The following DAAM2 variants were observed in gnomAD, a reference collection of about 807,000 sequenced individuals.
The protein encoded by DAAM2 is dishevelled associated activator of morphogenesis 2.
A neutral mutation model predicts 120.7 loss-of-function variants in DAAM2; 39 were observed. That is an observed-to-expected ratio of 0.32 (90% CI 0.25 to 0.42). The LOEUF (loss-of-function observed/expected upper bound fraction) is 0.42, where lower values mean the gene tolerates loss of function less well. Among genes scored for constraint, DAAM2 ranks in the 10% least tolerant of loss-of-function variants. The pLI is 1.00. For synonymous variants in DAAM2, 488 were observed against 524.9 expected, an observed-to-expected ratio of 0.93 and a Z score of 0.96; for missense variants, 1,283 against 1,401.7, an observed-to-expected ratio of 0.92 and a Z score of 1.35.
chr6:39,812,028 T>C (rs910497046), intron 1 of DAAM2, among the ~76,000 whole-genome samples: 1 of 152,132 alleles, frequency 6.6e-6, no homozygotes, highest in Non-Finnish European at 1.5e-5. Context: ...ACAGAGAATT[T>C]GTATCTGGGG....
At chr6:39,794,162 T>C (rs903720365) in intron 1 of DAAM2, among the ~76,000 whole-genome samples, 3 of 152,202 alleles carry the variant, frequency 2.0e-5, no homozygotes, top group African/African-American at 7.2e-5. Context: ...AATCATCCCA[T>C]AGGCAATGTA....
At chr6:39,870,584 G>T (rs576804226) in intron 8 of DAAM2, 141 bp downstream of exon 8, 7 of 649,200 alleles carry the variant, frequency 1.1e-5, no homozygotes, top group Admixed American at 2.3e-5. Context: ...CAGCTCTGTG[G>T]GGGGAAGGGG....
At chr6:39,799,096 G>T (rs896091629) in intron 1 of DAAM2, among the ~76,000 whole-genome samples, 3 of 152,154 alleles carry the variant, frequency 2.0e-5, no homozygotes, top group Admixed American at 2.0e-4. Context: ...AACCAGAGGG[G>T]CAGGAGCTAC....
At chr6:39,863,869 CT>C (rs1764313555) in intron 3 of DAAM2, among the ~76,000 whole-genome samples, 1 of 152,214 alleles carries the variant, frequency 6.6e-6, no homozygotes, top group Admixed American at 6.5e-5. Flanking sequence ...TCTCCTGAGT[CT>C]TTTCAAAGCC....
Position 39,867,780 on chromosome 6 carries a change from C to A in DAAM2, c.699C>A (p.His233Gln). ...CTGTGTGCCTCGTGCCTGGTGGCCACAAGAAGGTGCTGCAGGCCATGCTGC... is the reference window on the plus strand; with the variant it reads ...CTGTGTGCCTCGTGCCTGGTGGCCAAAAGAAGGTGCTGCAGGCCATGCTGC... Reference protein sequence around the residue: ...LGAVCLVPGGHKKVLQAMLHY... With the variant: ...LGAVCLVPGGQKKVLQAMLHY... Residue 233 changes from histidine to glutamine, a missense_variant, in exon 6 of 25, where the codon CAC (histidine) becomes CAA (glutamine). Physicochemically the swap from His to Gln is conservative, Grantham distance 24. Around this residue, in one of 3 missense-constraint regions of DAAM2, gnomAD observed 338 missense variants for 443.9 expected, o/e 0.76. Coordinates refer to ENST00000274867, the MANE Select transcript of DAAM2 (RefSeq NM_001201427.2). The A allele has an allele frequency of 6.2e-7, 1 of 1,613,316 alleles. No individual in the cohort carries two copies. The highest frequency in any genetic ancestry group is 8.5e-7 in the Non-Finnish European group (1 of 1,179,710).
intron 10 of DAAM2, among the ~76,000 whole-genome samples, chr6:39,874,550 G>A (rs1255476397): frequency 6.6e-6 from 1 of 152,212 alleles, no homozygotes; most frequent in Admixed American, 6.5e-5. Context: ...CCAAAATGGG[G>A]CTTTGCAGAC....
chr6:39,866,420 A>T (rs1764434120), intron 5 of DAAM2, among the ~76,000 whole-genome samples: 1 of 152,226 alleles, frequency 6.6e-6, no homozygotes, highest in South Asian at 2.1e-4. Flanking sequence ...TTTATTTTCT[A>T]GGCGTATTTG....
chr6:39,809,838 A>G (rs1296327371), intron 1 of DAAM2, among the ~76,000 whole-genome samples: 2 of 152,130 alleles, frequency 1.3e-5, no homozygotes, highest in Admixed American at 1.3e-4. Flanking sequence ...TGTTCTGTCA[A>G]CTGGGGTTCT....
intron 1 of DAAM2, among the ~76,000 whole-genome samples, chr6:39,818,546 A>T (rs926904758): frequency 6.6e-6 from 1 of 152,244 alleles, no homozygotes; most frequent in African/African-American, 2.4e-5. Flanking sequence ...TTCGTAGCAG[A>T]GGTCATGGAA....
In DAAM2 at chr6:39,797,575, G is replaced by A. The variant is rs183543865; in HGVS notation, c.-57+5110G>A. 4.9e-3 allele frequency among the ~76,000 whole-genome samples: 743 copies of A among 152,294 alleles called. 5 individuals carry two copies. The highest frequency in any genetic ancestry group is 0.017 in the African/African-American group (689 of 41,548). The stretch of plus-strand genomic sequence containing the variant: ...AGCTTGTAAAAGTATCAATGCTTGG[G>A]CCCACCCCAGATCAATTTAATTAGA... On this transcript the variant is annotated intron_variant, in intron 1 of 24. Transcript: ENST00000274867.
At chr6:39,794,283 G>A (rs1436974859) in intron 1 of DAAM2, among the ~76,000 whole-genome samples, 1 of 152,150 alleles carries the variant, frequency 6.6e-6, no homozygotes, top group Non-Finnish European at 1.5e-5. Flanking sequence ...GACATGGGAG[G>A]ATAAATGGTC....
chr6:39,798,988 A>G (rs572519148), intron 1 of DAAM2, among the ~76,000 whole-genome samples: 26 of 152,300 alleles, frequency 1.7e-4, no homozygotes, highest in African/African-American at 6.3e-4. Flanking sequence ...AAGCCAAACC[A>G]TATCAACTAG....
intron 7 of DAAM2, 53 bp downstream of exon 7, chr6:39,868,986 T>C: frequency 7.6e-7 from 1 of 1,314,562 alleles, no homozygotes; most frequent in African/African-American, 1.5e-5. Context: ...GGACCTGGGG[T>C]AGAGTGTGTG....
rs765935453 is a variant in DAAM2 at position 39,884,000 on chromosome 6, C to T, written c.1884C>T (p.Asp628=). Residue 628 remains aspartate (D), a synonymous_variant, in exon 15 of 25, where the codon GAC becomes GAT. Coordinates refer to ENST00000274867, the MANE Select transcript of DAAM2 (RefSeq NM_001201427.2). ...VPGTVWNEID[D]MQVFRILDLE... is the part of the protein sequence containing the mutation. ...GCACCGTATGGAATGAGATTGATGA[C>T]ATGCAGGTATTTCGGATCCTGGACC... 6.2e-7 allele frequency: 1 copy of T among 1,613,538 alleles called. No homozygotes were observed. The highest frequency in any genetic ancestry group is 1.3e-5 in the African/African-American group (1 of 75,026).
chr6:39,861,052 G>A, intron 3 of DAAM2, 35 bp downstream of exon 3: 2 of 1,547,008 alleles, frequency 1.3e-6, no homozygotes, highest in Non-Finnish European at 1.8e-6. Context: ...ACATCTCAGG[G>A]TTCATGGCAT....
intron 7 of DAAM2, 30 bp from the exon 8 acceptor site, chr6:39,870,310 T>G: frequency 2.1e-5 from 29 of 1,394,160 alleles, no homozygotes; most frequent in Non-Finnish European, 2.9e-5. Context: ...GATCTGCCAA[T>G]GAGTCTGGCC....
At chr6:39,875,739 C>A (rs2504794) in intron 11 of DAAM2, among the ~76,000 whole-genome samples, 103,371 of 152,102 alleles carry the variant, frequency 0.68, 36,021 homozygotes, top group African/African-American at 0.84. Flanking sequence ...ATTTAAATTT[C>A]AATAGCCACA....
intron 14 of DAAM2, 136 bp downstream of exon 14, chr6:39,879,613 T>C (rs1482244982): frequency 8.4e-7 from 1 of 1,196,400 alleles, no homozygotes; most frequent in East Asian, 2.3e-5. Flanking sequence ...GTCATGTGGA[T>C]GTACAAAGTG....
At chr6:39,838,062 G>T (rs896714789) in intron 1 of DAAM2, among the ~76,000 whole-genome samples, 2 of 152,186 alleles carry the variant, frequency 1.3e-5, no homozygotes, top group Non-Finnish European at 2.9e-5. Context: ...TTCTGGTAGG[G>T]ATTTGCAGAA....
Sources: allele counts gnomAD v4.1 joint callset (sites outside exome capture counted in the v4.1 genomes callset), GRCh38; gene constraint gnomAD v4.1.1; regional missense constraint gnomAD v4.1.1; transcripts MANE v1.5; gene names NCBI Gene and HGNC (gene_info 2026-07-23, HGNC 2026-07-21).